CLMN: variants seen among roughly 807,000 people sequenced by gnomAD.
CLMN encodes the protein calmin.
In CLMN, 57 loss-of-function variants were observed where a neutral mutation model predicts 92.7. The observed-to-expected ratio is 0.61, with a 90% CI of 0.50 to 0.77. The LOEUF (loss-of-function observed/expected upper bound fraction) is 0.77, where lower values mean the gene tolerates loss of function less well. Among genes scored for constraint, CLMN ranks in the 30% least tolerant of loss-of-function variants. The probability of loss-of-function intolerance (pLI) is 0.00; values close to 1 mark genes in which losing one functional copy is unlikely to be tolerated. For missense variants in CLMN, 1,158 were observed against 1,237.5 expected, an observed-to-expected ratio of 0.94 and a Z score of 0.96; for synonymous variants, 466 against 470.6, an observed-to-expected ratio of 0.99 and a Z score of 0.13.
At position 95,191,425 on chromosome 14, in the gene CLMN, C is replaced by CAAA; in HGVS notation, c.*138_*139insTTT. ...AAACCTGAAAAAAAAAAAAAAACCA[C>CAAA]AATAGCGAGAAAGGGGGTCTAAGTT... On this transcript the variant is annotated 3_prime_UTR_variant, in exon 13 of 13. Coordinates refer to ENST00000298912, the MANE Select transcript of CLMN (RefSeq NM_024734.4). This position sits in a 1 kb window ranked among gnomAD's most constrained non-coding sequence, Gnocchi z 5.3. The CAAA allele has an allele frequency of 2.1e-6, 1 of 468,170 alleles. No homozygotes were observed. Among genetic ancestry groups the CAAA allele is most frequent in the Non-Finnish European group, 3.5e-6 (1 of 289,552 alleles). 29.0% of individuals were successfully genotyped at this position (468,170 alleles called of 1,614,324 possible).
intron 2 of CLMN, among the ~76,000 whole-genome samples, chr14:95,226,887 A>T (rs1157137144): frequency 3.3e-5 from 5 of 152,108 alleles, no homozygotes; most frequent in African/African-American, 9.7e-5. Flanking sequence ...CCGAAACCCG[A>T]TTCTTAATAA....
chr14:95,319,626 G>T, intron 1 of CLMN, 85 bp downstream of exon 1: 1 of 1,117,562 alleles, frequency 8.9e-7, no homozygotes, highest in Non-Finnish European at 1.3e-6. Context: ...AGCGGGGGCG[G>T]CGCGGGGGAG....
rs961866220 is a variant in CLMN, at chr14:95,215,829, G to C, written c.325-96C>G. On this transcript the variant is annotated intron_variant, in intron 4 of 12. Transcript: ENST00000298912. Reference sequence around the variant, plus strand: ...TCTCTCTCTCTCTGTGTGTGTGTGTGTGTGTGTGTGTGTGTGTGTGTGTGT... The same window carrying C: ...TCTCTCTCTCTCTGTGTGTGTGTGTCTGTGTGTGTGTGTGTGTGTGTGTGT... The C allele has an allele frequency of 3.5e-4, 92 of 263,524 alleles. 1 individual carries two copies. Among genetic ancestry groups the C allele is most frequent in the Middle Eastern group, 1.6e-3 (2 of 1,266 alleles). 16.3% of individuals were successfully genotyped at this position (263,524 alleles called of 1,614,324 possible). A position where few individuals can be genotyped will look rare whatever the true frequency, so the allele number is the denominator to read the frequency against.
At chr14:95,208,939 G>T (rs749757916) in intron 8 of CLMN, among the ~76,000 whole-genome samples, 4 of 152,150 alleles carry the variant, frequency 2.6e-5, no homozygotes, top group Non-Finnish European at 5.9e-5. Flanking sequence ...TGGATGATCA[G>T]AGATCAGCCA....
At chr14:95,212,466 C>T (rs531001987) in intron 6 of CLMN, among the ~76,000 whole-genome samples, 9 of 152,280 alleles carry the variant, frequency 5.9e-5, no homozygotes, top group East Asian at 3.9e-4. Context: ...ACTCTGCTGC[C>T]GGTGTGGGGT....
chr14:95,298,232 T>C (rs530591921), intron 1 of CLMN, among the ~76,000 whole-genome samples: 2 of 151,686 alleles, frequency 1.3e-5, no homozygotes, highest in African/African-American at 4.8e-5. Flanking sequence ...CCCCAATAGA[T>C]TTTATACCCC....
At chr14:95,241,413 A>T (rs543684479) in intron 1 of CLMN, among the ~76,000 whole-genome samples, 4 of 152,330 alleles carry the variant, frequency 2.6e-5, no homozygotes, top group African/African-American at 9.6e-5. Flanking sequence ...GACAGGCAGA[A>T]CTGGATTCAC....
rs773254295 is a variant in CLMN at position 95,191,031 on chromosome 14, C to T, written c.*533G>A. The T allele has an allele frequency of 1.3e-5, 2 of 152,370 alleles. No homozygotes were observed. The highest frequency in any genetic ancestry group is 2.9e-5 in the Non-Finnish European group (2 of 68,162). 9.4% of individuals were successfully genotyped at this position (152,370 alleles called of 1,614,324 possible). Reference sequence around the variant, plus strand: ...ACAGAGCTGGCTGCTCGGATTTCCCCTAGTGAATGCAACCAGTTACCGGAC... The same window carrying T: ...ACAGAGCTGGCTGCTCGGATTTCCCTTAGTGAATGCAACCAGTTACCGGAC... On this transcript the variant is annotated 3_prime_UTR_variant, in exon 13 of 13. Transcript: ENST00000298912. This position sits in a 1 kb window ranked among gnomAD's most constrained non-coding sequence, Gnocchi z 5.3.
chr14:95,268,665 G>A (rs549991701), intron 1 of CLMN, among the ~76,000 whole-genome samples: 1 of 152,230 alleles, frequency 6.6e-6, no homozygotes, highest in South Asian at 2.1e-4. Flanking sequence ...AGCAGCTGGT[G>A]ACATCTGAAC....
At chr14:95,206,274 C>T (rs1897044973) in intron 8 of CLMN, among the ~76,000 whole-genome samples, 1 of 151,972 alleles carries the variant, frequency 6.6e-6, no homozygotes, top group Non-Finnish European at 1.5e-5. Flanking sequence ...TAAACAAAAA[C>T]TGGCAGAACT....
chr14:95,198,193 G>T (rs1896778698), intron 9 of CLMN, among the ~76,000 whole-genome samples: 1 of 151,448 alleles, frequency 6.6e-6, no homozygotes, highest in Admixed American at 6.6e-5. Flanking sequence ...GGGATTACAG[G>T]CACCTGCCAC....
intron 7 of CLMN, among the ~76,000 whole-genome samples, chr14:95,209,887 T>A (rs1897146719): frequency 6.6e-6 from 1 of 152,196 alleles, no homozygotes; most frequent in Non-Finnish European, 1.5e-5. Flanking sequence ...TAAACAGGTA[T>A]GGGCTCTCCC....
At position 95,204,011 on chromosome 14, in the gene CLMN, A is replaced by G. The variant is rs778091511; in HGVS notation, c.1338T>C (p.Phe446=). Residue 446 remains phenylalanine (F), a synonymous_variant, in exon 9 of 13, where the codon TTT becomes TTC. Coordinates refer to ENST00000298912, the MANE Select transcript of CLMN (RefSeq NM_024734.4). The part of the protein sequence containing the change: ...PFCSKNLSLC[F]EGSPRVAKES... ...CCTTTGCCACTCTTGGGCTCCCTTCAAAGCAAAGGGACAGGTTCTTACTGC... is the reference window on the plus strand; with the variant it reads ...CCTTTGCCACTCTTGGGCTCCCTTCGAAGCAAAGGGACAGGTTCTTACTGC... The G allele has an allele frequency of 4.3e-6, 7 of 1,614,040 alleles. No individual in the cohort carries two copies. Among genetic ancestry groups the G allele is most frequent in the Non-Finnish European group, 5.9e-6 (7 of 1,180,028 alleles).
chr14:95,195,479 C>T (rs1896683330), intron 10 of CLMN, among the ~76,000 whole-genome samples: 1 of 152,234 alleles, frequency 6.6e-6, no homozygotes, highest in Non-Finnish European at 1.5e-5. Context: ...AGCCAGGCAC[C>T]TGCCAGCAAC....
intron 1 of CLMN, among the ~76,000 whole-genome samples, chr14:95,293,290 C>T (rs1441323818): frequency 1.3e-5 from 1 of 79,534 alleles, no homozygotes; most frequent in African/African-American, 4.7e-5. Context: ...TCCTCCCTCC[C>T]TCCTTCCTTC....
At chr14:95,272,301 C>G (rs1899741831) in intron 1 of CLMN, among the ~76,000 whole-genome samples, 1 of 151,806 alleles carries the variant, frequency 6.6e-6, no homozygotes, top group East Asian at 1.9e-4. Flanking sequence ...GGGAGGAGGG[C>G]ACTCCAGGAA....
chr14:95,272,949 T>C (rs1899772652), intron 1 of CLMN, among the ~76,000 whole-genome samples: 1 of 152,210 alleles, frequency 6.6e-6, no homozygotes, highest in African/African-American at 2.4e-5. Context: ...CTTCCATCCC[T>C]CTCTGCAGCC....
chr14:95,298,281 C>T (rs1257506147), intron 1 of CLMN, among the ~76,000 whole-genome samples: 2 of 152,140 alleles, frequency 1.3e-5, no homozygotes, highest in African/African-American at 2.4e-5. Flanking sequence ...TGTTCTCTCC[C>T]TTGTCCTGAC....
chr14:95,265,800 A>T (rs1899450484), intron 1 of CLMN, among the ~76,000 whole-genome samples: 1 of 152,254 alleles, frequency 6.6e-6, no homozygotes, highest in African/African-American at 2.4e-5. Context: ...CCTCCTAGTG[A>T]CATTCTCCAG....
Sources: allele counts gnomAD v4.1 joint callset (sites outside exome capture counted in the v4.1 genomes callset), GRCh38; gene constraint gnomAD v4.1.1; non-coding constraint Gnocchi (gnomAD v3.1); transcripts MANE v1.5; gene names NCBI Gene and HGNC (gene_info 2026-07-23, HGNC 2026-07-21).